NLGN1: variants seen among roughly 807,000 people sequenced by gnomAD.
NLGN1 encodes neuroligin-1.
In NLGN1, 12 loss-of-function variants were observed where a neutral mutation model predicts 65.5. The ratio of observed to expected loss-of-function variants is 0.18; its 90% CI spans 0.12 to 0.30. The LOEUF is 0.30. Among genes scored for constraint, NLGN1 ranks in the 10% least tolerant of loss-of-function variants. The pLI is 1.00. For synonymous variants in NLGN1, 350 were observed against 359.5 expected, an observed-to-expected ratio of 0.97 and a Z score of 0.30; for missense variants, 750 against 1,007.1, an observed-to-expected ratio of 0.74 and a Z score of 3.46.
At chr3:174,045,868 T>C (rs1490697296) in intron 4 of NLGN1, among the ~76,000 whole-genome samples, 3 of 152,308 alleles carry the variant, frequency 2.0e-5, no homozygotes, top group Middle Eastern at 3.4e-3. Flanking sequence ...TCCTTATCAG[T>C]TGAAACAAAA....
intron 4 of NLGN1, among the ~76,000 whole-genome samples, chr3:174,202,007 T>G (rs1380081501): frequency 2.0e-5 from 3 of 152,110 alleles, no homozygotes; most frequent in Non-Finnish European, 2.9e-5. Flanking sequence ...TGCTTTCCTC[T>G]CTTCCCATTT....
intron 4 of NLGN1, among the ~76,000 whole-genome samples, chr3:173,926,969 C>A (rs1383747789): frequency 2.0e-5 from 3 of 152,150 alleles, no homozygotes; most frequent in African/African-American, 7.2e-5. Context: ...TCTCTTTTAT[C>A]CAGATGTGGC....
At chr3:173,569,498 G>A (rs569761910) in intron 2 of NLGN1, among the ~76,000 whole-genome samples, 31 of 151,604 alleles carry the variant, frequency 2.0e-4, no homozygotes, top group Admixed American at 9.2e-4. Flanking sequence ...TCTTAAAACA[G>A]TAGTCCCTCA....
intron 4 of NLGN1, among the ~76,000 whole-genome samples, chr3:174,224,356 A>T (rs931456967): frequency 5.9e-5 from 9 of 152,218 alleles, no homozygotes; most frequent in Non-Finnish European, 1.0e-4. Flanking sequence ...AAGGAATGAC[A>T]TGGGAATCAA....
At chr3:174,015,408 C>G (rs919498706) in intron 4 of NLGN1, among the ~76,000 whole-genome samples, 1 of 152,070 alleles carries the variant, frequency 6.6e-6, no homozygotes, top group African/African-American at 2.4e-5. Flanking sequence ...AGCTATGTCC[C>G]CCTCATGACA....
chr3:173,481,639 A>C (rs1160330751), intron 2 of NLGN1, among the ~76,000 whole-genome samples: 1 of 146,676 alleles, frequency 6.8e-6, no homozygotes, highest in African/African-American at 2.6e-5. Context: ...CAAGTAATTT[A>C]TTATATCAGA....
At chr3:173,975,789 T>C (rs1717302713) in intron 4 of NLGN1, among the ~76,000 whole-genome samples, 1 of 152,014 alleles carries the variant, frequency 6.6e-6, no homozygotes, top group East Asian at 1.9e-4. Context: ...CTTTATCATA[T>C]TTTTGGTGGC....
In NLGN1 at chr3:173,471,298, G is replaced by T. The variant is rs538422911; in HGVS notation, c.-321+36220G>T. Reference sequence around the variant, plus strand: ...TTTTGTTTCACAGTTCTGGAGTCTAGAAGTTTGAGATCAAGACATCAGTAG... The same window carrying T: ...TTTTGTTTCACAGTTCTGGAGTCTATAAGTTTGAGATCAAGACATCAGTAG... On this transcript the variant is annotated intron_variant, in intron 2 of 6. Coordinates refer to ENST00000457714, the Ensembl canonical transcript of NLGN1. 3.3e-5 allele frequency among the ~76,000 whole-genome samples: 5 copies of T among 152,206 alleles called. No homozygotes were observed. The South Asian group carries it at 8.3e-4, about 25-fold the overall frequency.
chr3:173,640,199 A>G (rs2149583793), intron 3 of NLGN1, among the ~76,000 whole-genome samples: 2 of 152,304 alleles, frequency 1.3e-5, no homozygotes, highest in South Asian at 4.1e-4. Context: ...ATTCAGAGGA[A>G]CAGTCTGATG....
intron 2 of NLGN1, among the ~76,000 whole-genome samples, chr3:173,505,702 C>A (rs553463471): frequency 6.6e-5 from 10 of 152,182 alleles, no homozygotes; most frequent in African/African-American, 2.4e-4. Flanking sequence ...TCCTCAGAAG[C>A]CCTTCCTGAC....
At chr3:174,186,918 G>A (rs1034475234) in intron 4 of NLGN1, among the ~76,000 whole-genome samples, 2 of 151,942 alleles carry the variant, frequency 1.3e-5, no homozygotes, top group East Asian at 1.9e-4. Flanking sequence ...ATATCTGAGT[G>A]GGATTAGTTC....
chr3:173,412,822 A>G (rs78609893), intron 1 of NLGN1, among the ~76,000 whole-genome samples: 3,013 of 152,298 alleles, frequency 0.02, 83 homozygotes, highest in African/African-American at 0.064. Context: ...AAGGGATTCT[A>G]TGAAATTAGA....
chr3:173,853,347 T>C (rs1578797895), intron 4 of NLGN1, among the ~76,000 whole-genome samples: 1 of 152,296 alleles, frequency 6.6e-6, no homozygotes. Context: ...TATGAACTTA[T>C]CATAAACTAG....
At chr3:173,944,747 C>A (rs1746846227) in intron 4 of NLGN1, among the ~76,000 whole-genome samples, 1 of 152,130 alleles carries the variant, frequency 6.6e-6, no homozygotes, top group African/African-American at 2.4e-5. Context: ...CCTTTCTGGT[C>A]TGATAATTTA....
At chr3:174,001,453 G>C (rs1723271901) in intron 4 of NLGN1, among the ~76,000 whole-genome samples, 1 of 152,086 alleles carries the variant, frequency 6.6e-6, no homozygotes, top group Non-Finnish European at 1.5e-5. Context: ...TCTGTGTCAG[G>C]AATTGAAGTT....
chr3:173,608,193 G>GA (rs1458139899), intron 3 of NLGN1, among the ~76,000 whole-genome samples: 2 of 151,832 alleles, frequency 1.3e-5, no homozygotes, highest in Non-Finnish European at 2.9e-5. Context: ...TGCAATTAAA[G>GA]AAAAAAGCTC....
intron 4 of NLGN1, among the ~76,000 whole-genome samples, chr3:174,245,986 G>A (rs775957749): frequency 3.9e-5 from 6 of 152,136 alleles, no homozygotes; most frequent in Non-Finnish European, 8.8e-5. Context: ...TTCAATGTAC[G>A]TTTATTGAGT....
intron 3 of NLGN1, among the ~76,000 whole-genome samples, chr3:173,702,926 T>C (rs1294865694): frequency 6.6e-6 from 1 of 152,218 alleles, no homozygotes; most frequent in African/African-American, 2.4e-5. Context: ...TTATCTTTTA[T>C]TTCACAAAGA....
intron 4 of NLGN1, among the ~76,000 whole-genome samples, chr3:173,854,519 C>T (rs1727576013): frequency 6.6e-6 from 1 of 152,038 alleles, no homozygotes; most frequent in Admixed American, 6.6e-5. Context: ...GAATGACTAA[C>T]TTCTCTTCTT....
Sources: allele counts gnomAD v4.1 joint callset (sites outside exome capture counted in the v4.1 genomes callset), GRCh38; gene constraint gnomAD v4.1.1; transcripts MANE v1.5; gene names NCBI Gene and HGNC (gene_info 2026-07-23, HGNC 2026-07-21).